USO1: variants seen among roughly 807,000 people sequenced by gnomAD.
USO1 encodes the protein general vesicular transport factor p115.
Under a neutral mutation model 124.5 loss-of-function variants are expected in USO1, and 57 were observed. The ratio of observed to expected loss-of-function variants is 0.46; its 90% CI spans 0.37 to 0.57. The LOEUF is 0.57. Ranked by LOEUF, USO1 falls within the 20% of genes least tolerant of loss-of-function variation. The pLI, the probability that USO1 is intolerant of heterozygous loss-of-function variation, is 0.00. For synonymous variants in USO1, 369 were observed against 362.8 expected, an observed-to-expected ratio of 1.02 and a Z score of -0.19; for missense variants, 900 against 1,040.6, an observed-to-expected ratio of 0.86 and a Z score of 1.86.
chr4:75,728,837 G>C (rs2149135229), intron 1 of USO1, among the ~76,000 whole-genome samples: 1 of 151,884 alleles, frequency 6.6e-6, no homozygotes, highest in East Asian at 2.0e-4. Flanking sequence ...CTCGCTCTGT[G>C]GCCCAGGCTG....
At chr4:75,739,308 A>G (rs543333133) in intron 1 of USO1, among the ~76,000 whole-genome samples, 9 of 152,180 alleles carry the variant, frequency 5.9e-5, no homozygotes, top group African/African-American at 1.7e-4. Context: ...TTGCAAATTC[A>G]CCTACTCACT....
chr4:75,756,620 C>T (rs1186219259), intron 3 of USO1, among the ~76,000 whole-genome samples: 1 of 150,824 alleles, frequency 6.6e-6, no homozygotes. Context: ...GATTCTCCTG[C>T]CTCAGCCTCC....
intron 1 of USO1, chr4:75,730,012 T>A: frequency 3.0e-6 from 1 of 328,344 alleles, no homozygotes; most frequent in Non-Finnish European, 6.0e-6. Flanking sequence ...TGATGTATTC[T>A]ACATTAATAA....
chr4:75,802,310 C>G (rs1722873198), intron 17 of USO1, among the ~76,000 whole-genome samples: 1 of 151,944 alleles, frequency 6.6e-6, no homozygotes, highest in Non-Finnish European at 1.5e-5. Context: ...GGAGCCATTT[C>G]CAGTTGCTAA....
intron 6 of USO1, 31 bp downstream of exon 6, chr4:75,770,955 G>A: frequency 6.2e-7 from 1 of 1,600,324 alleles, no homozygotes. Context: ...ATATTATTTT[G>A]ATTCAAGCAT....
chr4:75,774,886 G>A (rs1223858736), intron 8 of USO1, 90 bp downstream of exon 8: 5 of 1,457,854 alleles, frequency 3.4e-6, no homozygotes, highest in Non-Finnish European at 4.5e-6. Context: ...GAGAAATGGG[G>A]ACTCTTATTT....
chr4:75,802,863 A>G (rs1271681189), intron 17 of USO1, among the ~76,000 whole-genome samples: 1 of 145,276 alleles, frequency 6.9e-6, no homozygotes, highest in East Asian at 2.0e-4. Context: ...TGGGCAGATT[A>G]CCTGAGGTCG....
intron 3 of USO1, among the ~76,000 whole-genome samples, chr4:75,753,310 G>A (rs1721341052): frequency 6.6e-6 from 1 of 151,938 alleles, no homozygotes; most frequent in African/African-American, 2.4e-5. Context: ...GAGGCAGGTG[G>A]ATTACTTGAG....
intron 9 of USO1, 86 bp from the exon 10 acceptor site, chr4:75,786,976 A>C (rs1722379332): frequency 7.1e-7 from 1 of 1,402,596 alleles, no homozygotes; most frequent in Non-Finnish European, 9.3e-7. Context: ...TACTTCATGC[A>C]GACTTTCTTG....
rs985913295 is a variant in USO1, at chr4:75,793,987, A to C, written c.1452+86A>C. 6 of 1,549,932 alleles carry C rather than the reference A, an allele frequency of 3.9e-6. 1 individual carries two copies. The South Asian group carries it at 7.3e-5, about 19-fold the overall frequency. The stretch of plus-strand genomic sequence containing the variant: ...AGGATGTCTTTAGAAGATGCAGATG[A>C]AAAAGGACAGAGAAGACTTATTCTG... On this transcript the variant is annotated intron_variant, in intron 13 of 23. Coordinates refer to ENST00000514213, the MANE Select transcript of USO1 (RefSeq NM_003715.4).
intron 1 of USO1, 129 bp downstream of exon 1, chr4:75,725,014 T>C: frequency 1.1e-6 from 1 of 934,032 alleles, no homozygotes; most frequent in Non-Finnish European, 1.6e-6. Flanking sequence ...GCCTCCCCCT[T>C]TGCCCTCCTT....
chr4:75,781,760 T>A (rs1270494364), intron 8 of USO1, among the ~76,000 whole-genome samples: 1 of 151,334 alleles, frequency 6.6e-6, no homozygotes, highest in Non-Finnish European at 1.5e-5. Flanking sequence ...GATGTCTTTT[T>A]AAAAAAAAAA....
chr4:75,750,562 C>A (rs1577936078), intron 1 of USO1, among the ~76,000 whole-genome samples: 2 of 152,200 alleles, frequency 1.3e-5, no homozygotes, highest in East Asian at 3.9e-4. Flanking sequence ...TAGCTCGCTG[C>A]AACCTCTGCC....
intron 17 of USO1, among the ~76,000 whole-genome samples, chr4:75,802,595 A>G (rs1722880165): frequency 6.6e-6 from 1 of 152,238 alleles, no homozygotes; most frequent in Non-Finnish European, 1.5e-5. Flanking sequence ...AAAATTCAGG[A>G]AAACAATTAT....
intron 1 of USO1, among the ~76,000 whole-genome samples, chr4:75,728,844 G>C (rs1720541196): frequency 6.6e-6 from 1 of 152,080 alleles, no homozygotes; most frequent in Non-Finnish European, 1.5e-5. Flanking sequence ...TGTGGCCCAG[G>C]CTGGAGTGCA....
Position 75,793,770 on chromosome 4 carries a change from G to T in USO1, c.1321G>T (p.Ala441Ser), listed in dbSNP as rs754759880. 6 of 1,613,744 alleles carry T rather than the reference G, an allele frequency of 3.7e-6. No individual in the cohort carries two copies. The highest frequency in any genetic ancestry group is 4.2e-6 in the Non-Finnish European group (5 of 1,179,850). The change falls in exon 13 of 24, where the codon GCT (alanine) becomes TCT (serine). Residue 441 changes from alanine (A) to serine (S), a missense_variant. Ala to Ser is a moderately conservative substitution (Grantham distance 99). Transcript: ENST00000514213. Reference sequence around the variant, plus strand: ...TGATTCACTTTCAAACTGGTGTGCTGCTGTGGCCCTTGCCCATGCGTTGCA... The same window carrying T: ...TGATTCACTTTCAAACTGGTGTGCTTCTGTGGCCCTTGCCCATGCGTTGCA... ...STDSLSNWCAAVALAHALQEN... is the reference protein window; with the variant it reads ...STDSLSNWCASVALAHALQEN...
chr4:75,796,842 A>T (rs324738), intron 13 of USO1, among the ~76,000 whole-genome samples: 3 of 149,276 alleles, frequency 2.0e-5, no homozygotes, highest in East Asian at 2.0e-4. Context: ...TTATATTAAC[A>T]TACTTAACCC....
At chr4:75,792,527 G>A (rs950012021) in intron 12 of USO1, among the ~76,000 whole-genome samples, 1 of 151,370 alleles carries the variant, frequency 6.6e-6, no homozygotes, top group Non-Finnish European at 1.5e-5. Context: ...ACAAGAGTGA[G>A]ACTCTATCTC....
intron 4 of USO1, among the ~76,000 whole-genome samples, chr4:75,766,611 GGAT>G (rs1165925661): frequency 1.3e-5 from 2 of 152,162 alleles, no homozygotes; most frequent in African/African-American, 4.8e-5. Flanking sequence ...CCTGTCTTGG[GGAT>G]GATGATTTTG....
Sources: gnomAD v4.1 joint callset for allele counts (sites outside exome capture counted in the v4.1 genomes callset) on GRCh38, gnomAD v4.1.1 for gene constraint, MANE v1.5 for transcripts, NCBI Gene and HGNC (gene_info 2026-07-23, HGNC 2026-07-21) for gene names.